TAB2: variants seen among roughly 807,000 people sequenced by gnomAD.
TAB2 encodes TGF-beta activated kinase 1 (MAP3K7) binding protein 2, also known as TGF-beta-activated kinase 1 and MAP3K7-binding protein 2.
A neutral mutation model predicts 65.0 loss-of-function variants in TAB2; 3 were observed. The ratio of observed to expected loss-of-function variants is 0.05; its 90% CI spans 0.02 to 0.12. The LOEUF (loss-of-function observed/expected upper bound fraction) is 0.12, where lower values mean the gene tolerates loss of function less well. Ranked by LOEUF, TAB2 falls within the 10% of genes least tolerant of loss-of-function variation. TAB2 has a pLI of 1.00. For missense variants in TAB2, 623 were observed against 840.3 expected, an observed-to-expected ratio of 0.74 and a Z score of 3.20; for synonymous variants, 298 against 285.1, an observed-to-expected ratio of 1.05 and a Z score of -0.46.
Position 149,379,398 on chromosome 6 carries a change from G to A in TAB2, c.1483G>A (p.Asp495Asn), listed in dbSNP as rs745765453. ...FELTNLLNHPDHYVETENIQH... is the reference protein window; with the variant it reads ...FELTNLLNHPNHYVETENIQH... ...ACTTACAAATCTTCTTAATCATCCT[G>A]ATCATTATGTAGAAACCGAGAATAT... The change falls in exon 3 of 7, where the codon GAT becomes AAT. Residue 495 changes from aspartate (D) to asparagine (N), a missense_variant. This residue lies in a region of TAB2 where 550 missense variants were observed against 665.7 expected (regional missense o/e 0.83). Transcript: ENST00000637181. 1.9e-6 allele frequency: 3 copies of A among 1,614,118 alleles called. 1 individual carries two copies. Among genetic ancestry groups the A allele is most frequent in the South Asian group, 2.2e-5 (2 of 91,072 alleles).
chr6:149,331,766 T>C (rs1779792913), intron 1 of TAB2, among the ~76,000 whole-genome samples: 1 of 152,206 alleles, frequency 6.6e-6, no homozygotes, highest in Non-Finnish European at 1.5e-5. Context: ...CAAATGCTTT[T>C]TTCTACATCA....
intron 1 of TAB2, chr6:149,221,212 T>G (rs934924354): frequency 6.6e-6 from 1 of 152,188 alleles, no homozygotes; most frequent in Non-Finnish European, 1.5e-5. Flanking sequence ...AGAGGTGCTT[T>G]ATGTATGAGT....
chr6:149,279,034 C>A (rs1307401773), intron 1 of TAB2, among the ~76,000 whole-genome samples: 3 of 152,196 alleles, frequency 2.0e-5, no homozygotes, highest in African/African-American at 4.8e-5. Context: ...AAGCTAAATT[C>A]AAACCAAGAC....
chr6:149,262,761 T>C (rs1778181067), intron 1 of TAB2, among the ~76,000 whole-genome samples: 1 of 152,152 alleles, frequency 6.6e-6, no homozygotes, highest in Non-Finnish European at 1.5e-5. Flanking sequence ...AGAAACTTAA[T>C]ATTTAGGAGC....
chr6:149,293,621 A>G (rs1052608313), intron 1 of TAB2, among the ~76,000 whole-genome samples: 1 of 152,232 alleles, frequency 6.6e-6, no homozygotes, highest in Non-Finnish European at 1.5e-5. Context: ...AAAGGGCATA[A>G]ATGACAGGGT....
intron 1 of TAB2, among the ~76,000 whole-genome samples, chr6:149,330,991 C>T (rs1002610819): frequency 4.6e-5 from 7 of 152,074 alleles, no homozygotes; most frequent in Non-Finnish European, 8.8e-5. Flanking sequence ...GTGCCTGTCC[C>T]TCCACCACTA....
intron 1 of TAB2, among the ~76,000 whole-genome samples, chr6:149,268,136 G>T (rs1301041690): frequency 6.6e-6 from 1 of 152,146 alleles, no homozygotes; most frequent in Non-Finnish European, 1.5e-5. Context: ...GAAGGCACTT[G>T]CTCACCAAAA....
At chr6:149,262,555 T>C (rs1335930588) in intron 1 of TAB2, among the ~76,000 whole-genome samples, 3 of 151,904 alleles carry the variant, frequency 2.0e-5, no homozygotes, top group East Asian at 1.9e-4. Flanking sequence ...AAATCTCATA[T>C]GCTAGAGTTG....
intron 3 of TAB2, among the ~76,000 whole-genome samples, chr6:149,391,966 G>A (rs952370845): frequency 4.6e-5 from 7 of 151,906 alleles, no homozygotes; most frequent in African/African-American, 9.7e-5. Context: ...ATTCCTTTTC[G>A]AGGAAGGTTG....
chr6:149,240,887 T>C (rs549599713), intron 1 of TAB2, among the ~76,000 whole-genome samples: 9 of 152,208 alleles, frequency 5.9e-5, no homozygotes, highest in South Asian at 4.1e-4. Flanking sequence ...TAAATGCATA[T>C]GTTGAAGCCC....
intron 1 of TAB2, among the ~76,000 whole-genome samples, chr6:149,338,212 G>A (rs929614218): frequency 6.6e-6 from 1 of 152,140 alleles, no homozygotes; most frequent in Non-Finnish European, 1.5e-5. Flanking sequence ...CAGTAAGTGG[G>A]CTAAATCAAG....
intron 1 of TAB2, among the ~76,000 whole-genome samples, chr6:149,219,988 G>GATTA (rs1777106048): frequency 6.6e-6 from 1 of 152,046 alleles, no homozygotes; most frequent in African/African-American, 2.4e-5. Context: ...TTAAACAATT[G>GATTA]ATTAATTTAT....
intron 1 of TAB2, among the ~76,000 whole-genome samples, chr6:149,250,588 G>A (rs1301664588): frequency 6.6e-6 from 1 of 152,146 alleles, no homozygotes; most frequent in Non-Finnish European, 1.5e-5. Flanking sequence ...CTGCAGGCAT[G>A]AGCCACCATG....
chr6:149,398,196 T>C (rs901891295), intron 5 of TAB2, 134 bp downstream of exon 5: 20 of 751,410 alleles, frequency 2.7e-5, no homozygotes, highest in Admixed American at 4.5e-5. Context: ...GACAGACTTT[T>C]AAGAATATAT....
At chr6:149,258,287 T>C (rs1258086891) in intron 1 of TAB2, among the ~76,000 whole-genome samples, 1 of 152,186 alleles carries the variant, frequency 6.6e-6, no homozygotes, top group Non-Finnish European at 1.5e-5. Context: ...CCGCTTTCTA[T>C]GGTGTAAATA....
At chr6:149,218,252 G>A (rs1280873843), upstream of TAB2, among the ~76,000 whole-genome samples, 1 of 152,128 alleles carries the variant, frequency 6.6e-6, no homozygotes. Flanking sequence ...AGTAAATTTT[G>A]TACTCGGATA....
chr6:149,388,197 C>T (rs564743189), intron 3 of TAB2, among the ~76,000 whole-genome samples: 2 of 152,342 alleles, frequency 1.3e-5, no homozygotes, highest in Admixed American at 1.3e-4. Flanking sequence ...TTCTCCATCA[C>T]CCTCACCAAG....
chr6:149,246,728 A>ACAAT (rs1777726804), intron 1 of TAB2: 1 of 152,248 alleles, frequency 6.6e-6, no homozygotes, highest in Admixed American at 6.5e-5. Flanking sequence ...GCACAGTGGC[A>ACAAT]CAATCACGGC....
intron 1 of TAB2, among the ~76,000 whole-genome samples, chr6:149,345,670 T>C (rs1188571972): frequency 2.0e-5 from 3 of 152,230 alleles, no homozygotes; most frequent in Admixed American, 1.3e-4. Flanking sequence ...ACTTTCAGAA[T>C]CTTTCCTATA....
Sources: allele counts gnomAD v4.1 joint callset (sites outside exome capture counted in the v4.1 genomes callset), GRCh38; gene constraint gnomAD v4.1.1; regional missense constraint gnomAD v4.1.1; transcripts MANE v1.5; gene names NCBI Gene and HGNC (gene_info 2026-07-23, HGNC 2026-07-21).